FAM135B: variants seen among roughly 807,000 people sequenced by gnomAD.
FAM135B encodes the protein protein FAM135B.
Under a neutral mutation model 127.7 loss-of-function variants are expected in FAM135B, and 43 were observed. That is an observed-to-expected ratio of 0.34 (90% confidence interval 0.26 to 0.43). The LOEUF (loss-of-function observed/expected upper bound fraction) is 0.43. Among genes scored for constraint, FAM135B ranks in the 20% least tolerant of loss-of-function variants. The pLI, the probability that FAM135B is intolerant of heterozygous loss-of-function variation, is 1.00. For synonymous variants in FAM135B, 670 were observed against 665.1 expected, an observed-to-expected ratio of 1.01 and a Z score of -0.11; for missense variants, 1,558 against 1,725.6, an observed-to-expected ratio of 0.90 and a Z score of 1.72.
intron 1 of FAM135B, among the ~76,000 whole-genome samples, chr8:138,460,317 T>C (rs766881917): frequency 2.4e-4 from 37 of 152,342 alleles, no homozygotes; most frequent in Admixed American, 1.4e-3. Context: ...TCAAAGCCTA[T>C]GAGTTCAACA....
intron 2 of FAM135B, among the ~76,000 whole-genome samples, chr8:138,324,005 A>T (rs1827631461): frequency 6.6e-6 from 1 of 152,232 alleles, no homozygotes; most frequent in African/African-American, 2.4e-5. Flanking sequence ...GCCACAGGTG[A>T]CAGGAAAGCA....
At chr8:138,272,760 A>T (rs1273698589) in intron 3 of FAM135B, among the ~76,000 whole-genome samples, 1 of 152,182 alleles carries the variant, frequency 6.6e-6, no homozygotes, top group Admixed American at 6.5e-5. Context: ...ATTTCCTTCG[A>T]TTGGTCATAA....
rs769407532 is a variant in FAM135B at position 138,153,100 on chromosome 8, C to A, written c.1375G>T (p.Asp459Tyr). Residue 459 changes from aspartate (D) to tyrosine (Y), a missense_variant, in exon 13 of 20, where the codon GAC becomes TAC. By Grantham distance (160) the Asp-to-Tyr change is radical (BLOSUM62 -3). This residue lies in a region of FAM135B where 923 missense variants were observed against 865.3 expected (regional missense o/e 1.07). Transcript: ENST00000395297. ...GGTTTTATGGTAGACAAGACAAGGT[C>A]TTCCCTAAAAGATAAATTGCTATTT... ...MVNSNLSFREDLVLSTIKPSQ... is the reference protein window; with the variant it reads ...MVNSNLSFREYLVLSTIKPSQ... 6.2e-7 allele frequency: 1 copy of A among 1,614,068 alleles called. No homozygotes were observed. The highest frequency in any genetic ancestry group is 2.2e-5 in the East Asian group (1 of 44,874).
At position 138,187,764 on chromosome 8, in the gene FAM135B, G is replaced by A. The variant is rs183544476; in HGVS notation, c.873+7494C>T. Among the ~76,000 whole-genome samples, 276 of 152,294 alleles carry A rather than the reference G, an allele frequency of 1.8e-3. 1 individual carries two copies. The highest frequency in any genetic ancestry group is 2.6e-3 in the Non-Finnish European group (178 of 68,028). On this transcript the variant is annotated intron_variant, in intron 9 of 19. Transcript: ENST00000395297. ...TGCTAATTGAGCCTGTGCCAATGAG[G>A]TGACTCTTGACAGACCTTTAGATAG...
At chr8:138,373,660 A>T (rs1441809089) in intron 1 of FAM135B, among the ~76,000 whole-genome samples, 1 of 152,042 alleles carries the variant, frequency 6.6e-6, no homozygotes, top group Non-Finnish European at 1.5e-5. Context: ...AATGGGAGAA[A>T]TATTGCTGAA....
At chr8:138,215,337 A>G (rs1395198551) in intron 7 of FAM135B, among the ~76,000 whole-genome samples, 1 of 152,246 alleles carries the variant, frequency 6.6e-6, no homozygotes, top group Non-Finnish European at 1.5e-5. Flanking sequence ...GATAGAAAAT[A>G]GTAAATACTC....
chr8:138,475,209 T>G (rs554722880), intron 1 of FAM135B, among the ~76,000 whole-genome samples: 1 of 152,178 alleles, frequency 6.6e-6, no homozygotes. Flanking sequence ...ACTCTGTTGG[T>G]TTCTGCAGGC....
Position 138,243,105 on chromosome 8 carries a change from T to C in FAM135B, c.543-37A>G. The C allele has an allele frequency of 6.3e-7, 1 of 1,585,296 alleles. No individual in the cohort carries two copies. The highest frequency in any genetic ancestry group is 8.6e-7 in the Non-Finnish European group (1 of 1,166,978). On this transcript the variant is annotated intron_variant, in intron 6 of 19. Coordinates refer to ENST00000395297, the MANE Select transcript of FAM135B (RefSeq NM_015912.4). This position sits in a 1 kb window ranked among gnomAD's most constrained non-coding sequence, Gnocchi z 7.5. ...ATAATTGAAAGGGTGAAAAAGGAGG[T>C]AAAGAAAGTGATGGTGCCATTAACT...
rs79969319 is a variant in FAM135B at position 138,241,336 on chromosome 8, C to T, written c.669+1606G>A. 0.015 allele frequency among the ~76,000 whole-genome samples: 2,220 copies of T among 152,250 alleles called. 54 individuals are homozygous for T. The highest frequency in any genetic ancestry group is 0.049 in the African/African-American group (2,040 of 41,548). ...CTGAAGTTCTGCATCTACAAGTCAC[C>T]GGAGTCTACCCTGGAACTGGTCTTA... On this transcript the variant is annotated intron_variant, in intron 7 of 19. Coordinates refer to ENST00000395297, the MANE Select transcript of FAM135B (RefSeq NM_015912.4). The surrounding 1 kb of genome is among the most constrained non-coding windows in gnomAD (Gnocchi z 4.8).
intron 7 of FAM135B, among the ~76,000 whole-genome samples, chr8:138,203,201 A>G (rs1817283647): frequency 6.6e-6 from 1 of 152,120 alleles, no homozygotes; most frequent in Non-Finnish European, 1.5e-5. Flanking sequence ...CTATGTCTCT[A>G]CATCTAATTC....
At chr8:138,497,407 G>A (rs1815439669), upstream of FAM135B, among the ~76,000 whole-genome samples, 1 of 151,556 alleles carries the variant, frequency 6.6e-6, no homozygotes, top group Non-Finnish European at 1.5e-5. Flanking sequence ...CCCCGCGTGC[G>A]GCCCTCCCAG....
intron 7 of FAM135B, among the ~76,000 whole-genome samples, chr8:138,198,463 G>A (rs574090268): frequency 1.3e-5 from 2 of 152,292 alleles, no homozygotes; most frequent in South Asian, 4.1e-4. Flanking sequence ...CCTTTGCAGA[G>A]AGAAGAAATT....
intron 1 of FAM135B, among the ~76,000 whole-genome samples, chr8:138,377,409 A>T (rs986587326): frequency 5.9e-5 from 9 of 152,204 alleles, no homozygotes; most frequent in Non-Finnish European, 2.9e-5. Context: ...TTTACAAAGA[A>T]CAGAAGGTTA....
In FAM135B at chr8:138,151,285, A is replaced by T. The variant is rs1818118462; in HGVS notation, c.3190T>A (p.Phe1064Ile). ...RAGFSSKQTLFPITHQPLGSF... is the reference protein window; with the variant it reads ...RAGFSSKQTLIPITHQPLGSF... ...CCCAAAGGCTGATGGGTGATGGGAA[A>T]CAGGGTCTGTTTGGAAGAGAATCCA... Residue 1064 changes from phenylalanine (F) to isoleucine (I), a missense_variant, in exon 13 of 20, where the codon TTT becomes ATT. By Grantham distance (21) the Phe-to-Ile change is conservative. This residue lies in a region of FAM135B where 923 missense variants were observed against 865.3 expected (regional missense o/e 1.07). Coordinates refer to ENST00000395297, the MANE Select transcript of FAM135B (RefSeq NM_015912.4). 1.9e-6 allele frequency: 3 copies of T among 1,613,754 alleles called. No individual in the cohort carries two copies. The highest frequency in any genetic ancestry group is 2.5e-6 in the Non-Finnish European group (3 of 1,179,916).
chr8:138,336,345 T>C (rs571090347), intron 2 of FAM135B, among the ~76,000 whole-genome samples: 11 of 152,036 alleles, frequency 7.2e-5, no homozygotes, highest in Non-Finnish European at 1.5e-4. Context: ...ACCAACAAAA[T>C]TGATAGACCT....
rs1818236310 is a variant in FAM135B at position 138,152,278 on chromosome 8, T to G, written c.2197A>C (p.Thr733Pro). 1 of 1,614,100 alleles carries G rather than the reference T, an allele frequency of 6.2e-7. No individual in the cohort carries two copies. Among genetic ancestry groups the G allele is most frequent in the African/African-American group, 1.3e-5 (1 of 75,038 alleles). ...LHRNSLEGGH[T>P]ESNTSLPSGI... Reference sequence around the variant, plus strand: ...CTTGGCAAACTTGTGTTACTTTCTGTGTGTCCACCCTCTAGGGAGTTCCGG... The same window carrying G: ...CTTGGCAAACTTGTGTTACTTTCTGGGTGTCCACCCTCTAGGGAGTTCCGG... Residue 733 changes from threonine (T) to proline (P), a missense_variant, in exon 13 of 20, where the codon ACA (threonine) becomes CCA (proline). This residue lies in a region of FAM135B where 923 missense variants were observed against 865.3 expected (regional missense o/e 1.07). Transcript: ENST00000395297.
chr8:138,322,930 A>C (rs1300498767), intron 2 of FAM135B, among the ~76,000 whole-genome samples: 1 of 152,220 alleles, frequency 6.6e-6, no homozygotes, highest in African/African-American at 2.4e-5. Context: ...GTTCCAAAAG[A>C]TAAGAAACAA....
At chr8:138,186,591 G>A (rs1563744831) in intron 9 of FAM135B, among the ~76,000 whole-genome samples, 1 of 152,104 alleles carries the variant, frequency 6.6e-6, no homozygotes, top group African/African-American at 2.4e-5. Context: ...AAACCAAGGA[G>A]TAGGCGGAAG....
chr8:138,461,903 G>T (rs1341538522), intron 1 of FAM135B, among the ~76,000 whole-genome samples: 1 of 152,032 alleles, frequency 6.6e-6, no homozygotes, highest in South Asian at 2.1e-4. Context: ...GCTAATAACC[G>T]CCCACCCAGA....
Sources: allele counts gnomAD v4.1 joint callset (sites outside exome capture counted in the v4.1 genomes callset), GRCh38; gene constraint gnomAD v4.1.1; regional missense constraint gnomAD v4.1.1; non-coding constraint Gnocchi (gnomAD v3.1); transcripts MANE v1.5; gene names NCBI Gene and HGNC (gene_info 2026-07-23, HGNC 2026-07-21).